The following SORCS2 variants were observed in gnomAD, a reference collection of about 807,000 sequenced individuals.
SORCS2 encodes sortilin related VPS10 domain containing receptor 2.
Under a neutral mutation model 141.6 loss-of-function variants are expected in SORCS2, and 100 were observed. That is an observed-to-expected ratio of 0.71 (90% CI 0.60 to 0.83). SORCS2 has a LOEUF of 0.83. Ranked by LOEUF, SORCS2 falls within the 40% of genes least tolerant of loss-of-function variation. The pLI, the probability that SORCS2 is intolerant of heterozygous loss-of-function variation, is 0.00. For missense variants in SORCS2, 1,646 were observed against 1,560.2 expected, an observed-to-expected ratio of 1.05 and a Z score of -0.93; for synonymous variants, 789 against 676.9, an observed-to-expected ratio of 1.17 and a Z score of -2.57.
intron 23 of SORCS2, among the ~76,000 whole-genome samples, chr4:7,729,930 G>A (rs1393037185): frequency 6.6e-6 from 1 of 152,138 alleles, no homozygotes; most frequent in Non-Finnish European, 1.5e-5. Context: ...GTAGTCGGGG[G>A]GAGGGCACAG....
At chr4:7,343,780 C>A (rs1052204056) in intron 1 of SORCS2, among the ~76,000 whole-genome samples, 2 of 152,216 alleles carry the variant, frequency 1.3e-5, no homozygotes, top group Non-Finnish European at 2.9e-5. Flanking sequence ...AGAATAAGTC[C>A]TCAAGATGGG....
At chr4:7,686,814 C>T (rs1418079003) in intron 10 of SORCS2, among the ~76,000 whole-genome samples, 1 of 152,220 alleles carries the variant, frequency 6.6e-6, no homozygotes, top group Admixed American at 6.5e-5. Context: ...GCAGCTGCCC[C>T]AGGAGAAGGG....
chr4:7,340,331 G>T (rs1420766799), intron 1 of SORCS2, among the ~76,000 whole-genome samples: 2 of 152,262 alleles, frequency 1.3e-5, no homozygotes, highest in East Asian at 3.8e-4. Context: ...GTAGGAGCTG[G>T]GACTGAGGGT....
rs1293583631 is a variant in SORCS2, at chr4:7,233,962, G to C, written c.480+40836G>C. ...TTGGGCTCAGGAGCAAGATGGAAAG[G>C]GGGTGGGGGAGGACCGTATCCCCGA... On this transcript the variant is annotated intron_variant, in intron 1 of 26. Coordinates refer to ENST00000507866, the MANE Select transcript of SORCS2 (RefSeq NM_020777.3). The surrounding 1 kb of genome is among the most constrained non-coding windows in gnomAD (Gnocchi z 4.5). 6.6e-6 allele frequency among the ~76,000 whole-genome samples: 1 copy of C among 152,152 alleles called. No individual in the cohort carries two copies. Among genetic ancestry groups the C allele is most frequent in the Admixed American group, 6.5e-5 (1 of 15,280 alleles).
chr4:7,651,870 G>C (rs532555304), intron 4 of SORCS2, among the ~76,000 whole-genome samples: 1 of 152,172 alleles, frequency 6.6e-6, no homozygotes, highest in East Asian at 1.9e-4. Flanking sequence ...CCGGGGACTC[G>C]GAAGGCACAT....
At chr4:7,214,393 C>G (rs951362483) in intron 1 of SORCS2, among the ~76,000 whole-genome samples, 2 of 152,148 alleles carry the variant, frequency 1.3e-5, no homozygotes, top group African/African-American at 4.8e-5. Flanking sequence ...TTTCTGCCTC[C>G]CACCATAGGA....
chr4:7,314,335 T>A (rs1414951957), intron 1 of SORCS2, among the ~76,000 whole-genome samples: 1 of 59,538 alleles, frequency 1.7e-5, no homozygotes, highest in Non-Finnish European at 3.8e-5. Flanking sequence ...TTTTTTTATT[T>A]TTTTTATTTT....
At chr4:7,590,709 TG>T (rs1716861895) in intron 3 of SORCS2, among the ~76,000 whole-genome samples, 1 of 152,192 alleles carries the variant, frequency 6.6e-6, no homozygotes, top group South Asian at 2.1e-4. Context: ...ATCCCTGCCC[TG>T]GGAGACTTCA....
chr4:7,656,820 A>T (rs1326887423), intron 5 of SORCS2, among the ~76,000 whole-genome samples: 1 of 152,174 alleles, frequency 6.6e-6, no homozygotes, highest in Non-Finnish European at 1.5e-5. Flanking sequence ...TCCCCACTAC[A>T]GCCTTGATGA....
At chr4:7,495,294 G>C (rs918793515) in intron 2 of SORCS2, among the ~76,000 whole-genome samples, 12 of 152,236 alleles carry the variant, frequency 7.9e-5, no homozygotes, top group African/African-American at 2.9e-4. Context: ...GCTAAAGGAG[G>C]CTACGGCAGA....
chr4:7,535,922 G>A (rs1019261674), intron 3 of SORCS2, among the ~76,000 whole-genome samples: 1 of 152,258 alleles, frequency 6.6e-6, no homozygotes, highest in Non-Finnish European at 1.5e-5. Context: ...TGTGTTTAGA[G>A]AACAAATTAA....
intron 1 of SORCS2, among the ~76,000 whole-genome samples, chr4:7,211,204 G>C (rs536545952): frequency 2.0e-3 from 274 of 140,204 alleles, no homozygotes; most frequent in Non-Finnish European, 3.1e-3. Context: ...CAGAGGTGGC[G>C]GGAGGAGCAG....
At chr4:7,254,461 T>G (rs1393796220) in intron 1 of SORCS2, among the ~76,000 whole-genome samples, 3 of 152,182 alleles carry the variant, frequency 2.0e-5, no homozygotes, top group Non-Finnish European at 4.4e-5. Flanking sequence ...AAGTGGGTAC[T>G]AAGAAGTGTG....
intron 1 of SORCS2, among the ~76,000 whole-genome samples, chr4:7,219,867 C>G (rs755224819): frequency 6.6e-5 from 10 of 152,210 alleles, no homozygotes; most frequent in Non-Finnish European, 1.0e-4. Flanking sequence ...AGACCTTGCC[C>G]GCAGCAGCCG....
intron 2 of SORCS2, among the ~76,000 whole-genome samples, chr4:7,477,965 T>C (rs1730404510): frequency 6.6e-6 from 1 of 152,152 alleles, no homozygotes; most frequent in Non-Finnish European, 1.5e-5. Context: ...CCCTCAGATG[T>C]GTGTCTCAGA....
chr4:7,623,411 C>T (rs1286189651), intron 3 of SORCS2, among the ~76,000 whole-genome samples: 2 of 148,878 alleles, frequency 1.3e-5, no homozygotes, highest in Non-Finnish European at 3.0e-5. Context: ...GTGACTTCTG[C>T]AGCACTTTGC....
At chr4:7,292,766 T>A (rs1716694840) in intron 1 of SORCS2, among the ~76,000 whole-genome samples, 1 of 152,194 alleles carries the variant, frequency 6.6e-6, no homozygotes, top group Non-Finnish European at 1.5e-5. Flanking sequence ...TTTGGAGACG[T>A]TGCCATGATG....
At chr4:7,541,792 C>T (rs1712684089) in intron 3 of SORCS2, among the ~76,000 whole-genome samples, 1 of 152,240 alleles carries the variant, frequency 6.6e-6, no homozygotes, top group African/African-American at 2.4e-5. Context: ...AAACATGCAG[C>T]ACACGGGGCG....
intron 2 of SORCS2, among the ~76,000 whole-genome samples, chr4:7,415,524 C>A (rs1175469050): frequency 6.6e-6 from 1 of 152,198 alleles, no homozygotes; most frequent in Non-Finnish European, 1.5e-5. Flanking sequence ...CTGGGCCCAC[C>A]TGGATAATCT....
Sources: allele counts gnomAD v4.1 joint callset (sites outside exome capture counted in the v4.1 genomes callset), GRCh38; gene constraint gnomAD v4.1.1; non-coding constraint Gnocchi (gnomAD v3.1); transcripts MANE v1.5; gene names NCBI Gene and HGNC (gene_info 2026-07-23, HGNC 2026-07-21).